Variants in CDH23 observed in about 807,000 individuals in gnomAD.
CDH23 encodes the protein cadherin related 23.
In CDH23, 189 loss-of-function variants were observed where a neutral mutation model predicts 317.1. That is an observed-to-expected ratio of 0.60 (90% CI 0.53 to 0.67). The LOEUF (loss-of-function observed/expected upper bound fraction) is 0.67. CDH23 is among the 30% of genes least tolerant of loss of function. The pLI is 0.00. For synonymous variants in CDH23, 1,839 were observed against 1,876.8 expected (o/e 0.98, Z 0.52); for missense variants, 4,401 against 4,592.4 (o/e 0.96, Z 1.20).
At chr10:71,799,412 G>C in intron 51 of CDH23, 80 bp from the exon 52 acceptor site, 1 of 1,605,492 alleles carries the variant, frequency 6.2e-7, no homozygotes, top group Non-Finnish European at 8.5e-7. Flanking sequence ...CTTGATGCCT[G>C]CATCAGTGAG....
chr10:71,650,403 G>A (rs1412556818), intron 14 of CDH23, among the ~76,000 whole-genome samples: 1 of 152,204 alleles, frequency 6.6e-6, no homozygotes, highest in African/African-American at 2.4e-5. Context: ...GATGTGCGGG[G>A]GTGCATATGT....
intron 8 of CDH23, among the ~76,000 whole-genome samples, chr10:71,576,350 G>A (rs572346252): frequency 1.3e-5 from 2 of 152,342 alleles, no homozygotes; most frequent in South Asian, 4.1e-4. Flanking sequence ...AGCAACTGCT[G>A]TGAAGGGATA....
At chr10:71,682,645 T>C in intron 18 of CDH23, 73 bp downstream of exon 18, 3 of 1,562,300 alleles carry the variant, frequency 1.9e-6, no homozygotes, top group Non-Finnish European at 1.7e-6. Flanking sequence ...AACCCAGTAC[T>C]GTAGGACTGT....
At chr10:71,701,857 CCT>C (rs1244284716) in intron 22 of CDH23, among the ~76,000 whole-genome samples, 163 bp from the exon 23 acceptor site, 3 of 152,184 alleles carry the variant, frequency 2.0e-5, no homozygotes, top group African/African-American at 7.2e-5. Context: ...GCCTCCCAGC[CCT>C]CTCGGACCCC....
At chr10:71,584,989 T>C (rs1258800754) in intron 9 of CDH23, among the ~76,000 whole-genome samples, 1 of 151,778 alleles carries the variant, frequency 6.6e-6, no homozygotes, top group Non-Finnish European at 1.5e-5. Flanking sequence ...GGTTATTGAG[T>C]GCAGCTGGGG....
chr10:71,768,776 G>T (rs916990118), intron 38 of CDH23, among the ~76,000 whole-genome samples: 1 of 152,178 alleles, frequency 6.6e-6, no homozygotes, highest in Non-Finnish European at 1.5e-5. Context: ...CACTGTGCTC[G>T]GCCTCATTCT....
At chr10:71,476,915 T>G (rs1235639140) in intron 3 of CDH23, among the ~76,000 whole-genome samples, 1 of 152,172 alleles carries the variant, frequency 6.6e-6, no homozygotes, top group East Asian at 1.9e-4. Context: ...AGAGGAGCAC[T>G]GGAAATGTTA....
At chr10:71,510,327 C>T (rs1835253932) in intron 4 of CDH23, 103 bp downstream of exon 4, 1 of 1,278,788 alleles carries the variant, frequency 7.8e-7, no homozygotes, top group Non-Finnish European at 1.1e-6. Flanking sequence ...TCTAAGACCC[C>T]ATTCTGACTC....
Position 71,667,359 on chromosome 10 carries a change from A to AGAGAGAGAGAGT in CDH23, c.1450-7752_1450-7751insAGAGAGAGAGTG, listed in dbSNP as rs58361666. ...GCTTGAGGCAGAGAAAGAGAGAGAG[A>AGAGAGAGAGAGT]GTGTGTGTGTGTGTGTGTGTGTGTG... On this transcript the variant is annotated intron_variant, in intron 14 of 69. Coordinates refer to ENST00000224721, the MANE Select transcript of CDH23 (RefSeq NM_022124.6). Among the ~76,000 whole-genome samples, 1,073 of 112,014 alleles carry AGAGAGAGAGAGT rather than the reference A, an allele frequency of 9.6e-3. 6 individuals carry two copies. The highest frequency in any genetic ancestry group is 0.019 in the African/African-American group (469 of 24,916). 73.5% of individuals were successfully genotyped at this position (112,014 alleles called of 152,430 possible).
At chr10:71,582,879 C>G (rs1013066394) in intron 9 of CDH23, among the ~76,000 whole-genome samples, 1 of 152,204 alleles carries the variant, frequency 6.6e-6, no homozygotes, top group Non-Finnish European at 1.5e-5. Flanking sequence ...GCAGCGGCAG[C>G]TTTAATACCT....
At chr10:71,709,392 G>A (rs542181074) in intron 27 of CDH23, among the ~76,000 whole-genome samples, 181 bp downstream of exon 27, 23 of 152,220 alleles carry the variant, frequency 1.5e-4, no homozygotes, top group Non-Finnish European at 3.1e-4. Context: ...ACTGCATGGT[G>A]CCACATGCAA....
chr10:71,489,998 G>A (rs1852566025), intron 3 of CDH23, among the ~76,000 whole-genome samples: 1 of 151,912 alleles, frequency 6.6e-6, no homozygotes, highest in African/African-American at 2.4e-5. Flanking sequence ...CAATAAGGGG[G>A]AGGTTCTTTG....
At chr10:71,574,666 G>A (rs115348932) in intron 8 of CDH23, among the ~76,000 whole-genome samples, 1,535 of 152,264 alleles carry the variant, frequency 0.01, 25 homozygotes, top group African/African-American at 0.035. Flanking sequence ...GGTCCCTGAG[G>A]CCAGGAACAG....
At chr10:71,738,900 G>C (rs1319770593) in intron 35 of CDH23, among the ~76,000 whole-genome samples, 1 of 152,260 alleles carries the variant, frequency 6.6e-6, no homozygotes, top group Admixed American at 6.5e-5. Flanking sequence ...CCTCAGTGAA[G>C]TTGTTTTCCG....
chr10:71,659,329 G>A (rs1485898824), intron 14 of CDH23, among the ~76,000 whole-genome samples: 1 of 152,228 alleles, frequency 6.6e-6, no homozygotes. Flanking sequence ...GGAGAGAGGG[G>A]AGAGAGTGAC....
At chr10:71,555,144 A>G (rs1157539090) in intron 6 of CDH23, among the ~76,000 whole-genome samples, 1 of 152,180 alleles carries the variant, frequency 6.6e-6, no homozygotes, top group African/African-American at 2.4e-5. Flanking sequence ...CTAAATAGCT[A>G]AGAACTGGAT....
At chr10:71,663,474 T>C (rs931543068) in intron 14 of CDH23, among the ~76,000 whole-genome samples, 9 of 152,350 alleles carry the variant, frequency 5.9e-5, no homozygotes, top group African/African-American at 1.7e-4. Flanking sequence ...GACTGACTCA[T>C]GGTCCCTGGA....
chr10:71,787,237 A>G (rs1021780211), intron 44 of CDH23, among the ~76,000 whole-genome samples: 9 of 151,958 alleles, frequency 5.9e-5, no homozygotes, highest in African/African-American at 2.2e-4. Flanking sequence ...TGAGACCCAG[A>G]CAGGGGAAAT....
intron 26 of CDH23, among the ~76,000 whole-genome samples, chr10:71,708,186 T>TG (rs1865858167): frequency 6.6e-6 from 1 of 152,108 alleles, no homozygotes; most frequent in African/African-American, 2.4e-5. Context: ...ACTGGAGGTT[T>TG]GGGGGTCAGG....
Sources: allele counts gnomAD v4.1 joint callset (sites outside exome capture counted in the v4.1 genomes callset), GRCh38; gene constraint gnomAD v4.1.1; transcripts MANE v1.5; gene names NCBI Gene and HGNC (gene_info 2026-07-23, HGNC 2026-07-21).